ANKRD13A: variants seen among roughly 807,000 people sequenced by gnomAD.
ANKRD13A encodes the protein ankyrin repeat domain-containing protein 13A.
In ANKRD13A, 48 loss-of-function variants were observed where a neutral mutation model predicts 81.3. That is an observed-to-expected ratio of 0.59 (90% confidence interval 0.47 to 0.75). The LOEUF (loss-of-function observed/expected upper bound fraction) is 0.75, where lower values mean the gene tolerates loss of function less well. ANKRD13A is among the 30% of genes least tolerant of loss of function. The probability of loss-of-function intolerance (pLI) is 0.00; values close to 1 mark genes in which losing one functional copy is unlikely to be tolerated. For missense variants in ANKRD13A, 612 were observed against 734.0 expected (o/e 0.83, Z 1.92); for synonymous variants, 230 against 270.1 (o/e 0.85, Z 1.45).
chr12:110,029,678 A>G (rs1255703291), intron 11 of ANKRD13A, 43 bp downstream of exon 11: 9 of 1,597,924 alleles, frequency 5.6e-6, no homozygotes, highest in Non-Finnish European at 7.7e-6. Flanking sequence ...GGTTCTGCCC[A>G]TGTTTGTGGG....
chr12:110,020,307 T>C (rs1040068511), intron 6 of ANKRD13A, among the ~76,000 whole-genome samples: 2 of 152,256 alleles, frequency 1.3e-5, no homozygotes, highest in African/African-American at 4.8e-5. Context: ...TTCTTTTCTC[T>C]TGATGAATAT....
intron 1 of ANKRD13A, among the ~76,000 whole-genome samples, chr12:110,009,688 G>A (rs1890416326): frequency 6.6e-6 from 1 of 152,156 alleles, no homozygotes; most frequent in Non-Finnish European, 1.5e-5. Flanking sequence ...GAGAGATGCA[G>A]GAAGGTCTGA....
At position 110,038,266 on chromosome 12, in the gene ANKRD13A, A is replaced by G. The variant is rs1226568443; in HGVS notation, c.*712A>G. 1 of 152,670 alleles carries G rather than the reference A, an allele frequency of 6.6e-6. No homozygotes were observed. The highest frequency in any genetic ancestry group is 2.4e-5 in the African/African-American group (1 of 41,464). 9.5% of individuals were successfully genotyped at this position (152,670 alleles called of 1,614,324 possible). On this transcript the variant is annotated 3_prime_UTR_variant, in exon 15 of 15. Coordinates refer to ENST00000261739, the MANE Select transcript of ANKRD13A (RefSeq NM_033121.2). ...TCACATCACCTCACTGCACGCATCG[A>G]AGGATCTGATTTGAATTTGTAAAGG...
Position 110,036,274 on chromosome 12 carries a change from C to A in ANKRD13A, c.1523C>A (p.Pro508Gln). 1 of 1,614,004 alleles carries A rather than the reference C, an allele frequency of 6.2e-7. No individual in the cohort carries two copies. Among genetic ancestry groups the A allele is most frequent in the Non-Finnish European group, 8.5e-7 (1 of 1,179,906 alleles). ...TGTCTTTGCCAGGAACTTTCAGGAC[C>A]AGCTTCGAATGGAGGGATCAGCCAG... ...ESSRSQELSG[P>Q]ASNGGISQTN... Residue 508 changes from proline (P) to glutamine (Q), a missense_variant, in exon 14 of 15, where the codon CCA (proline) becomes CAA (glutamine). By Grantham distance (76) the Pro-to-Gln change is moderately conservative (BLOSUM62 -1). Coordinates refer to ENST00000261739, the MANE Select transcript of ANKRD13A (RefSeq NM_033121.2). This position sits in a 1 kb window ranked among gnomAD's most constrained non-coding sequence, Gnocchi z 4.6.
intron 8 of ANKRD13A, among the ~76,000 whole-genome samples, chr12:110,026,196 C>T (rs1566059191): frequency 6.6e-6 from 1 of 151,634 alleles, no homozygotes; most frequent in Non-Finnish European, 1.5e-5. Flanking sequence ...CTCCTGACAT[C>T]AGGTGATCCT....
In ANKRD13A at chr12:110,013,246, C is replaced by G. The variant is rs773274467; in HGVS notation, c.351C>G (p.Leu117=). 1.2e-6 allele frequency: 2 copies of G among 1,613,820 alleles called. No homozygotes were observed. The highest frequency in any genetic ancestry group is 1.7e-6 in the Non-Finnish European group (2 of 1,179,952). Residue 117 remains leucine (L), a synonymous_variant, in exon 3 of 15, where the codon CTC becomes CTG. Transcript: ENST00000261739. The part of the protein sequence containing the change: ...EGVPELLQKI[L]EAPDFYVQMK... Reference sequence around the variant, plus strand: ...TTCCTGAGCTGCTCCAAAAAATTCTCGAGGTATCCATGAAAATGTGGCCAG... The same window carrying G: ...TTCCTGAGCTGCTCCAAAAAATTCTGGAGGTATCCATGAAAATGTGGCCAG...
chr12:110,019,548 CATGAAGAGTATG>C (rs1890971723), intron 6 of ANKRD13A, among the ~76,000 whole-genome samples: 1 of 152,150 alleles, frequency 6.6e-6, no homozygotes, highest in African/African-American at 2.4e-5. Flanking sequence ...ACTTAACCAA[CATGAAGAGTATG>C]AAGAAATGTC....
At chr12:110,026,073 T>C (rs1891306214) in intron 8 of ANKRD13A, among the ~76,000 whole-genome samples, 1 of 151,772 alleles carries the variant, frequency 6.6e-6, no homozygotes, top group African/African-American at 2.4e-5. Context: ...GTGATTCTCC[T>C]GCCTCAGCCT....
intron 2 of ANKRD13A, among the ~76,000 whole-genome samples, chr12:110,012,838 C>T (rs969545785): frequency 1.3e-5 from 2 of 152,238 alleles, no homozygotes; most frequent in Admixed American, 6.5e-5. Flanking sequence ...GTTGTGTGAT[C>T]GTATAGTTAA....
chr12:110,019,956 T>TG (rs1043814661), intron 6 of ANKRD13A, among the ~76,000 whole-genome samples: 2 of 152,072 alleles, frequency 1.3e-5, no homozygotes, highest in African/African-American at 2.4e-5. Context: ...ATGGAGGGCA[T>TG]GGGGGGGCCT....
intron 6 of ANKRD13A, 143 bp downstream of exon 6, chr12:110,019,471 T>C: frequency 1.4e-6 from 1 of 732,762 alleles, no homozygotes; most frequent in Non-Finnish European, 2.0e-6. Flanking sequence ...AAGATTGATC[T>C]CTAACCAGTA....
intron 11 of ANKRD13A, among the ~76,000 whole-genome samples, chr12:110,029,907 ACAGT>A (rs892741936): frequency 2.6e-5 from 4 of 152,234 alleles, no homozygotes; most frequent in African/African-American, 9.7e-5. Context: ...AAAACATGAC[ACAGT>A]CATTGTTTTA....
chr12:110,028,450 A>G, intron 9 of ANKRD13A, 62 bp from the exon 10 acceptor site: 3 of 1,597,690 alleles, frequency 1.9e-6, no homozygotes, highest in South Asian at 2.2e-5. Flanking sequence ...ACTGAGTGCC[A>G]CAGGCCTTCA....
rs767135350 is a variant in ANKRD13A at position 110,025,748 on chromosome 12, A to T, written c.808A>T (p.Thr270Ser). ...TTTCGCATACACCTCTCAGGTTTAC[A>T]CAGTAAACAATGTGAATGTGATCAC... is the stretch of plus-strand genomic sequence containing the variant. ...VVNGYEAKVY[T>S]VNNVNVITKI... is the part of the protein sequence containing the mutation. Residue 270 changes from threonine (T) to serine (S), a missense_variant, in exon 8 of 15, where the codon ACA becomes TCA. Coordinates refer to ENST00000261739, the MANE Select transcript of ANKRD13A (RefSeq NM_033121.2). 1 of 1,611,278 alleles carries T rather than the reference A, an allele frequency of 6.2e-7. No individual in the cohort carries two copies. The highest frequency in any genetic ancestry group is 8.5e-7 in the Non-Finnish European group (1 of 1,178,502).
intron 13 of ANKRD13A, among the ~76,000 whole-genome samples, chr12:110,035,311 A>G (rs1461890040): frequency 6.6e-6 from 1 of 152,218 alleles, no homozygotes; most frequent in Non-Finnish European, 1.5e-5. Flanking sequence ...ATCTTGCCCT[A>G]GAAGAATTAC....
chr12:110,037,726 C>T lies in ANKRD13A; in HGVS notation c.*172C>T. 1 of 623,332 alleles carries T rather than the reference C, an allele frequency of 1.6e-6. No homozygotes were observed. Among genetic ancestry groups the T allele is most frequent in the Non-Finnish European group, 2.7e-6 (1 of 375,854 alleles). 38.6% of individuals were successfully genotyped at this position (623,332 alleles called of 1,614,324 possible). A position where few individuals can be genotyped will look rare whatever the true frequency, so the allele number is the denominator to read the frequency against. ...CCAGGGACTCCTGGGCCCATCCAGGCTGCTCCCTGGGGTGGAGAAGGGACC... is the reference window on the plus strand; with the variant it reads ...CCAGGGACTCCTGGGCCCATCCAGGTTGCTCCCTGGGGTGGAGAAGGGACC... On this transcript the variant is annotated 3_prime_UTR_variant, in exon 15 of 15. Coordinates refer to ENST00000261739, the MANE Select transcript of ANKRD13A (RefSeq NM_033121.2).
chr12:110,008,444 T>C (rs748558495), intron 1 of ANKRD13A, among the ~76,000 whole-genome samples: 1 of 152,182 alleles, frequency 6.6e-6, no homozygotes, highest in Admixed American at 6.5e-5. Flanking sequence ...ATAAGAGATA[T>C]TAGTGTGTGG....
chr12:110,037,202 A>G (rs1472857965), intron 14 of ANKRD13A, among the ~76,000 whole-genome samples, 157 bp from the exon 15 acceptor site: 1 of 152,208 alleles, frequency 6.6e-6, no homozygotes, highest in African/African-American at 2.4e-5. Flanking sequence ...ACCCGTATAC[A>G]ACACCTACAC....
intron 12 of ANKRD13A, among the ~76,000 whole-genome samples, chr12:110,031,871 T>G (rs1891713191): frequency 7.1e-6 from 1 of 141,772 alleles, no homozygotes; most frequent in South Asian, 2.3e-4. Flanking sequence ...ATTTTTTATC[T>G]TTTTTTTTTC....
Sources: allele counts gnomAD v4.1 joint callset (sites outside exome capture counted in the v4.1 genomes callset), GRCh38; gene constraint gnomAD v4.1.1; non-coding constraint Gnocchi (gnomAD v3.1); transcripts MANE v1.5; gene names NCBI Gene and HGNC (gene_info 2026-07-23, HGNC 2026-07-21).